ZNF385D: variants seen among roughly 807,000 people sequenced by gnomAD.
ZNF385D encodes zinc finger protein 659.
ZNF385D carries 15 observed loss-of-function variants against 35.8 expected under a neutral mutation model. That is an observed-to-expected ratio of 0.42 (90% CI 0.28 to 0.64). ZNF385D has a LOEUF of 0.64. Among genes scored for constraint, ZNF385D ranks in the 30% least tolerant of loss-of-function variants. The probability of loss-of-function intolerance (pLI) is 0.23; values close to 1 mark genes in which losing one functional copy is unlikely to be tolerated. For missense variants in ZNF385D, 474 were observed against 494.6 expected, an observed-to-expected ratio of 0.96 and a Z score of 0.39; for synonymous variants, 212 against 186.8, an observed-to-expected ratio of 1.13 and a Z score of -1.10.
rs191485314 is a variant in ZNF385D, at chr3:22,026,526, A to C, written c.325+142291T>G. On this transcript the variant is annotated intron_variant, in intron 3 of 5. Transcript: ENST00000494108. ...GTTAAAGTAGGGACTTATGGAAGTC[A>C]GACAATTAATGGAGTTTTAGCTCAG... Among the ~76,000 whole-genome samples, 96 of 152,310 alleles carry C rather than the reference A, an allele frequency of 6.3e-4. No individual in the cohort carries two copies. The East Asian group carries it at 0.015, about 23-fold the overall frequency.
chr3:22,047,872 C>G (rs1166810247), intron 3 of ZNF385D, among the ~76,000 whole-genome samples: 3 of 152,118 alleles, frequency 2.0e-5, no homozygotes, highest in African/African-American at 7.2e-5. Flanking sequence ...CATTCAGATA[C>G]AAGGCTTCCC....
intron 1 of ZNF385D, among the ~76,000 whole-genome samples, chr3:21,680,547 G>A (rs1185743708): frequency 6.6e-6 from 1 of 152,134 alleles, no homozygotes; most frequent in Non-Finnish European, 1.5e-5. Flanking sequence ...TTTTAGTGAG[G>A]AGCCACATGT....
At chr3:22,294,218 G>A (rs548764595) in intron 2 of ZNF385D, among the ~76,000 whole-genome samples, 2 of 152,130 alleles carry the variant, frequency 1.3e-5, no homozygotes, top group East Asian at 3.9e-4. Context: ...CAAAACTGTG[G>A]CAGTAAACCC....
chr3:22,132,643 T>C (rs572746838), intron 3 of ZNF385D, among the ~76,000 whole-genome samples: 5 of 152,100 alleles, frequency 3.3e-5, no homozygotes, highest in Non-Finnish European at 5.9e-5. Flanking sequence ...CTAGATGAAC[T>C]GTAGAAACGT....
At chr3:22,107,250 C>T (rs9825666) in intron 3 of ZNF385D, among the ~76,000 whole-genome samples, 3,102 of 151,740 alleles carry the variant, frequency 0.02, 104 homozygotes, top group African/African-American at 0.071. Flanking sequence ...CTCGAACTCC[C>T]GACCTCAGGT....
chr3:22,182,902 G>C (rs918884591), intron 2 of ZNF385D, among the ~76,000 whole-genome samples: 3 of 151,728 alleles, frequency 2.0e-5, no homozygotes, highest in Non-Finnish European at 2.9e-5. Context: ...TTTATATTTT[G>C]CAAATGCATT....
chr3:21,956,978 G>C (rs1408932467), intron 3 of ZNF385D, among the ~76,000 whole-genome samples: 2 of 152,022 alleles, frequency 1.3e-5, no homozygotes, highest in South Asian at 2.1e-4. Context: ...CCGACGTGTT[G>C]TGGGAGGGAC....
chr3:22,257,365 T>A (rs987073709), intron 2 of ZNF385D, among the ~76,000 whole-genome samples: 19 of 151,766 alleles, frequency 1.3e-4, no homozygotes, highest in African/African-American at 4.6e-4. Context: ...ACTCATGCTA[T>A]AAAGGCACCA....
chr3:22,087,023 G>T (rs565889559), intron 3 of ZNF385D, among the ~76,000 whole-genome samples: 1 of 151,996 alleles, frequency 6.6e-6, no homozygotes, highest in African/African-American at 2.4e-5. Flanking sequence ...CATGGCACAC[G>T]CATACATATG....
chr3:21,808,005 T>C (rs1325906112), intron 3 of ZNF385D, among the ~76,000 whole-genome samples: 1 of 152,192 alleles, frequency 6.6e-6, no homozygotes, highest in African/African-American at 2.4e-5. Context: ...TATGACCAAA[T>C]ATGTCTGAAA....
intron 3 of ZNF385D, among the ~76,000 whole-genome samples, chr3:21,977,542 G>C (rs1322613880): frequency 6.6e-6 from 1 of 152,074 alleles, no homozygotes; most frequent in Admixed American, 6.6e-5. Flanking sequence ...CTCAGGGCCT[G>C]GTGTGGTGGC....
chr3:22,111,916 T>G (rs1422160338), intron 3 of ZNF385D, among the ~76,000 whole-genome samples: 1 of 152,076 alleles, frequency 6.6e-6, no homozygotes, highest in Non-Finnish European at 1.5e-5. Context: ...GAAAATACAT[T>G]CAGTTCCAGT....
chr3:22,136,707 T>C (rs577507905), intron 3 of ZNF385D, among the ~76,000 whole-genome samples: 1 of 152,240 alleles, frequency 6.6e-6, no homozygotes, highest in East Asian at 1.9e-4. Context: ...AATAGGAGTA[T>C]GGATAAGCAA....
intron 3 of ZNF385D, among the ~76,000 whole-genome samples, chr3:21,885,576 A>G (rs1215489439): frequency 1.3e-5 from 2 of 152,064 alleles, no homozygotes; most frequent in East Asian, 3.9e-4. Flanking sequence ...AGAAAGAATT[A>G]TGTGAGAATC....
intron 2 of ZNF385D, among the ~76,000 whole-genome samples, chr3:22,243,687 T>G (rs1406757410): frequency 6.6e-6 from 1 of 151,056 alleles, no homozygotes; most frequent in Non-Finnish European, 1.5e-5. Context: ...CCAAGCTCTG[T>G]GGCTACCTGT....
intron 6 of ZNF385D, 95 bp downstream of exon 6, chr3:21,425,397 A>G (rs1268375028): frequency 7.6e-7 from 1 of 1,323,780 alleles, no homozygotes; most frequent in Admixed American, 2.6e-5. Flanking sequence ...GGTGAATGGG[A>G]CAGAAAGACA....
chr3:21,850,080 T>C (rs1017917898), intron 3 of ZNF385D, among the ~76,000 whole-genome samples: 2 of 152,098 alleles, frequency 1.3e-5, no homozygotes, highest in African/African-American at 4.8e-5. Context: ...TTGCAAATTA[T>C]GGCAACTTAT....
At chr3:22,242,630 A>G (rs2728955) in intron 2 of ZNF385D, among the ~76,000 whole-genome samples, 59,273 of 150,720 alleles carry the variant, frequency 0.39, 13,015 homozygotes, top group African/African-American at 0.47. Flanking sequence ...TTGTAGACTG[A>G]GAGAGACTAA....
At chr3:21,737,922 A>C (rs928289821) in intron 1 of ZNF385D, among the ~76,000 whole-genome samples, 1 of 152,350 alleles carries the variant, frequency 6.6e-6, no homozygotes. Context: ...CCTAGCTCAC[A>C]GCACTCACGT....
Sources: gnomAD v4.1 joint callset for allele counts (sites outside exome capture counted in the v4.1 genomes callset) on GRCh38, gnomAD v4.1.1 for gene constraint, MANE v1.5 for transcripts, NCBI Gene and HGNC (gene_info 2026-07-23, HGNC 2026-07-21) for gene names.